The following AXDND1 variants were observed in gnomAD, a reference collection of about 807,000 sequenced individuals.
The protein encoded by AXDND1 is axonemal dynein light chain domain containing 1.
AXDND1 carries 110 observed loss-of-function variants against 137.5 expected under a neutral mutation model. The ratio of observed to expected loss-of-function variants is 0.80; its 90% CI spans 0.69 to 0.94. The LOEUF (loss-of-function observed/expected upper bound fraction) is 0.94, where lower values mean the gene tolerates loss of function less well. Among genes scored for constraint, AXDND1 ranks in the 40% least tolerant of loss-of-function variants. The probability of loss-of-function intolerance (pLI) is 0.00; values close to 1 mark genes in which losing one functional copy is unlikely to be tolerated. For synonymous variants in AXDND1, 414 were observed against 399.7 expected, an observed-to-expected ratio of 1.04 and a Z score of -0.43; for missense variants, 1,191 against 1,169.8, an observed-to-expected ratio of 1.02 and a Z score of -0.26.
chr1:179,474,752 G>A (rs1361729235), intron 17 of AXDND1, among the ~76,000 whole-genome samples: 1 of 152,170 alleles, frequency 6.6e-6, no homozygotes, highest in African/African-American at 2.4e-5. Context: ...CGTTTTCTGG[G>A]GAGGAAATAA....
intron 8 of AXDND1, 29 bp from the exon 9 acceptor site, chr1:179,385,209 T>C (rs774544416): frequency 2.5e-6 from 4 of 1,592,884 alleles, no homozygotes; most frequent in Non-Finnish European, 3.4e-6. Context: ...CTGTAATAAG[T>C]ACTGATTATG....
chr1:179,528,399 CCT>C lies in AXDND1; in HGVS notation c.2686_2687del (p.Leu896IlefsTer2). 1 of 1,613,644 alleles carries C rather than the reference CCT, an allele frequency of 6.2e-7. No homozygotes were observed. The highest frequency in any genetic ancestry group is 8.5e-7 in the Non-Finnish European group (1 of 1,179,572). On this transcript the variant is annotated frameshift_variant, in exon 23 of 26. Coordinates refer to ENST00000367618, the MANE Select transcript of AXDND1 (RefSeq NM_144696.6). LOFTEE classifies it high-confidence loss of function. ...AGAAGATGAAAATGTTCATTCCAAA[CCT>C]CTATTTGAAACAGATGTGTTGTCTT... ...IGEDENVHSK[P>X]LFETDVLSSW...
intron 17 of AXDND1, among the ~76,000 whole-genome samples, chr1:179,474,566 A>G (rs954662216): frequency 3.9e-5 from 6 of 152,186 alleles, no homozygotes; most frequent in African/African-American, 7.2e-5. Flanking sequence ...ATGCTTTAGT[A>G]AAGAGACTGG....
At chr1:179,529,673 C>CT (rs1281310822) in intron 23 of AXDND1, among the ~76,000 whole-genome samples, 1 of 152,106 alleles carries the variant, frequency 6.6e-6, no homozygotes, top group African/African-American at 2.4e-5. Flanking sequence ...TCTTTTCAGA[C>CT]TTTGAAAGGC....
intron 12 of AXDND1, among the ~76,000 whole-genome samples, chr1:179,421,061 C>G (rs1053903286): frequency 5.9e-5 from 7 of 119,384 alleles, no homozygotes; most frequent in African/African-American, 2.0e-4. Flanking sequence ...TCCTTCCTTC[C>G]TTCCTTCCTT....
intron 21 of AXDND1, among the ~76,000 whole-genome samples, chr1:179,519,233 T>C (rs1669832175): frequency 6.6e-6 from 1 of 152,190 alleles, no homozygotes; most frequent in African/African-American, 2.4e-5. Flanking sequence ...TTTTATGGGG[T>C]TGTTTTTTGC....
At chr1:179,498,409 T>C (rs1182790998) in intron 20 of AXDND1, among the ~76,000 whole-genome samples, 2 of 152,098 alleles carry the variant, frequency 1.3e-5, no homozygotes, top group Non-Finnish European at 2.9e-5. Flanking sequence ...GGGAAAAGAC[T>C]CCCTATTCAT....
At chr1:179,401,686 C>T (rs955513116) in intron 11 of AXDND1, among the ~76,000 whole-genome samples, 1 of 152,064 alleles carries the variant, frequency 6.6e-6, no homozygotes, top group African/African-American at 2.4e-5. Flanking sequence ...GGGGTGGTTT[C>T]CCTGTACTGT....
intron 17 of AXDND1, among the ~76,000 whole-genome samples, chr1:179,469,190 A>G (rs1448835394): frequency 6.6e-6 from 1 of 152,098 alleles, no homozygotes; most frequent in Non-Finnish European, 1.5e-5. Flanking sequence ...TTGGCCTTCC[A>G]AAGTGCTTAG....
chr1:179,432,612 T>C (rs1657547680), intron 15 of AXDND1, among the ~76,000 whole-genome samples: 2 of 152,136 alleles, frequency 1.3e-5, no homozygotes, highest in South Asian at 4.1e-4. Flanking sequence ...TTGTAGTAGA[T>C]ACAAGGTTTC....
intron 9 of AXDND1, among the ~76,000 whole-genome samples, chr1:179,388,691 G>T (rs1357321382): frequency 6.6e-6 from 1 of 151,338 alleles, no homozygotes; most frequent in African/African-American, 2.4e-5. Flanking sequence ...GGGTTCAAGT[G>T]ATTCTTGTGC....
Position 179,429,625 on chromosome 1 carries a change from G to T in AXDND1, c.1332+6G>T, listed in dbSNP as rs1156572809. ...TCATACTGCTATCAAACAAGGTAAA[G>T]GTCAATTATCTTCAGTTATGGGAAA... On this transcript the variant is annotated splice_donor_region_variant and intron_variant, in intron 13 of 25. Coordinates refer to ENST00000367618, the MANE Select transcript of AXDND1 (RefSeq NM_144696.6). 15 of 1,518,282 alleles carry T rather than the reference G, an allele frequency of 9.9e-6. No individual in the cohort carries two copies. In the Middle Eastern group the frequency reaches 5.2e-4, roughly 53 times the overall value. The allele number at this position is 1,518,282 out of a possible 1,614,324, so 94.1% of individuals were successfully genotyped here.
intron 15 of AXDND1, among the ~76,000 whole-genome samples, chr1:179,438,989 G>C (rs1451264468): frequency 1.3e-5 from 2 of 152,070 alleles, no homozygotes; most frequent in African/African-American, 4.8e-5. Context: ...CTGGGCGGCA[G>C]ACTGGGATTG....
chr1:179,435,723 A>G (rs1658056629), intron 15 of AXDND1, among the ~76,000 whole-genome samples: 1 of 152,164 alleles, frequency 6.6e-6, no homozygotes, highest in Non-Finnish European at 1.5e-5. Flanking sequence ...AAAATCCCAA[A>G]CAATAAAAAC....
intron 13 of AXDND1, 40 bp from the exon 14 acceptor site, chr1:179,430,412 A>ATAAATGAATATATTATTTG (rs768665203): frequency 1.4e-5 from 20 of 1,477,568 alleles, no homozygotes; most frequent in Non-Finnish European, 1.7e-5. Flanking sequence ...TGTTATATAC[A>ATAAATGAATATATTATTTG]TAAATGAATA....
At chr1:179,490,020 A>G (rs2125574193) in intron 18 of AXDND1, among the ~76,000 whole-genome samples, 1 of 152,284 alleles carries the variant, frequency 6.6e-6, no homozygotes, top group African/African-American at 2.4e-5. Flanking sequence ...CTGAGATTAC[A>G]GGCGTGAGCC....
At position 179,509,301 on chromosome 1, in the gene AXDND1, A is replaced by G; in HGVS notation, c.2394A>G (p.Glu798=). ...AATCTTTTATCTCTTCTCAGAAAGAATGTTATGAATGGATCAACACATGCT... is the reference window on the plus strand; with the variant it reads ...AATCTTTTATCTCTTCTCAGAAAGAGTGTTATGAATGGATCAACACATGCT... ...DLYEVDKLKK[E]CYEWINTCSC... is the part of the protein sequence containing the mutation. The change falls in exon 21 of 26, where the codon GAA becomes GAG. Residue 798 remains glutamate, a synonymous_variant. Coordinates refer to ENST00000367618, the MANE Select transcript of AXDND1 (RefSeq NM_144696.6). 1 of 1,600,996 alleles carries G rather than the reference A, an allele frequency of 6.2e-7. No individual in the cohort carries two copies. Among genetic ancestry groups the G allele is most frequent in the Non-Finnish European group, 8.5e-7 (1 of 1,172,136 alleles).
chr1:179,504,441 TG>T (rs1468239108), intron 20 of AXDND1, among the ~76,000 whole-genome samples: 1 of 152,126 alleles, frequency 6.6e-6, no homozygotes, highest in East Asian at 1.9e-4. Flanking sequence ...TACCTAAAAG[TG>T]GGTAGAGCTC....
At chr1:179,499,914 A>G (rs546126666) in intron 20 of AXDND1, among the ~76,000 whole-genome samples, 13 of 152,292 alleles carry the variant, frequency 8.5e-5, no homozygotes, top group African/African-American at 2.6e-4. Context: ...TCCTATAACC[A>G]TTAAAGGAAT....
Sources: allele counts gnomAD v4.1 joint callset (sites outside exome capture counted in the v4.1 genomes callset), GRCh38; gene constraint gnomAD v4.1.1; transcripts MANE v1.5; gene names NCBI Gene and HGNC (gene_info 2026-07-23, HGNC 2026-07-21).